The following CENPI variants were observed in gnomAD, a reference collection of about 807,000 sequenced individuals.
The protein encoded by CENPI is FSH primary response 1.
CENPI carries 4 observed loss-of-function variants against 60.4 expected under a neutral mutation model. The observed-to-expected ratio is 0.07, with a 90% CI of 0.03 to 0.15. The LOEUF (loss-of-function observed/expected upper bound fraction) is 0.15. CENPI is among the 10% of genes least tolerant of loss of function. CENPI has a pLI of 1.00. For missense variants in CENPI, 444 were observed against 534.5 expected (o/e 0.83, Z 1.67); for synonymous variants, 157 against 189.4 (o/e 0.83, Z 1.40).
At chrX:101,148,884 A>C in intron 20 of CENPI, among the ~76,000 whole-genome samples, 1 of 111,916 alleles carries the variant, frequency 8.9e-6, no homozygotes, top group Non-Finnish European at 1.9e-5. Context: ...TCATTGAATA[A>C]ATTTTAATAT....
intron 16 of CENPI, among the ~76,000 whole-genome samples, chrX:101,141,818 G>A (rs754131575): frequency 3.6e-5 from 4 of 110,194 alleles, no homozygotes; most frequent in South Asian, 3.9e-4. Context: ...CTGCAGCCTC[G>A]ACCTCCCAGG....
At chrX:101,105,038 G>A (rs955384039) in intron 4 of CENPI, among the ~76,000 whole-genome samples, 4 of 111,576 alleles carry the variant, frequency 3.6e-5, no homozygotes, top group African/African-American at 9.8e-5. Flanking sequence ...TGACTGTCAA[G>A]TATTTTATTT....
chrX:101,139,826 T>TG (rs918998248), intron 15 of CENPI, among the ~76,000 whole-genome samples: 2 of 93,897 alleles, frequency 2.1e-5, no homozygotes, highest in Non-Finnish European at 2.3e-5. Flanking sequence ...GTATGTTTTT[T>TG]TTTTTTTGTT....
chrX:101,110,458 G>A (rs1317480132), intron 6 of CENPI, among the ~76,000 whole-genome samples: 1 of 111,653 alleles, frequency 9.0e-6, no homozygotes, highest in Non-Finnish European at 1.9e-5. Flanking sequence ...GAGTGCCAAT[G>A]GAGTGATTTT....
At chrX:101,147,001 G>T in intron 18 of CENPI, among the ~76,000 whole-genome samples, 1 of 111,975 alleles carries the variant, frequency 8.9e-6, no homozygotes, top group Non-Finnish European at 1.9e-5. Context: ...CTCCCAAAGT[G>T]CTGGGATTAC....
intron 4 of CENPI, 105 bp downstream of exon 4, chrX:101,102,516 CAT>C (rs1556386355): frequency 2.9e-4 from 61 of 210,248 alleles, no homozygotes; most frequent in Non-Finnish European, 3.7e-4. Context: ...CACACACACA[CAT>C]ATATATATAT....
intron 12 of CENPI, among the ~76,000 whole-genome samples, chrX:101,129,224 G>A (rs1159523781): frequency 1.8e-5 from 2 of 111,521 alleles, no homozygotes; most frequent in East Asian, 5.6e-4. Context: ...TCTGGTAAGC[G>A]AAATGCTCAT....
intron 20 of CENPI, among the ~76,000 whole-genome samples, chrX:101,155,490 G>A (rs1032101239): frequency 2.8e-5 from 3 of 108,753 alleles, no homozygotes; most frequent in African/African-American, 6.7e-5. Flanking sequence ...ACACCTGGCC[G>A]AATGTTTTCT....
At chrX:101,113,282 TACACACACACACACACACAC>T (rs533672702) in intron 6 of CENPI, among the ~76,000 whole-genome samples, 2 of 84,003 alleles carry the variant, frequency 2.4e-5, no homozygotes, top group Admixed American at 2.9e-4. Flanking sequence ...TCCATCCCTT[TACACACACACACACACACAC>T]ACACACACAC....
At chrX:101,130,365 T>G (rs1008158321) in intron 13 of CENPI, among the ~76,000 whole-genome samples, 11 of 111,449 alleles carry the variant, frequency 9.9e-5, no homozygotes, top group Non-Finnish European at 2.1e-4. Context: ...GCTCAGGAGG[T>G]CAAGGCTGCA....
At chrX:101,102,903 G>A (rs1176387170) in intron 4 of CENPI, among the ~76,000 whole-genome samples, 1 of 98,255 alleles carries the variant, frequency 1.0e-5, no homozygotes, top group Non-Finnish European at 2.0e-5. Flanking sequence ...TGTTAGCCAA[G>A]ATGGTCTCCA....
At chrX:101,171,506 G>A in the CENPI span, among the ~76,000 whole-genome samples, 29 of 111,512 alleles carry the variant, frequency 2.6e-4, no homozygotes, top group African/African-American at 6.8e-4. Context: ...GCGCAAACAC[G>A]GCTCATTGCA....
intron 4 of CENPI, 108 bp downstream of exon 4, chrX:101,102,519 A>ATG: frequency 3.2e-6 from 1 of 315,875 alleles, no homozygotes. Context: ...ACACACACAT[A>ATG]TATATATATA....
intron 9 of CENPI, 127 bp from the exon 10 acceptor site, chrX:101,127,011 C>A: frequency 1.6e-6 from 1 of 623,593 alleles, no homozygotes; most frequent in Non-Finnish European, 2.4e-6. Flanking sequence ...AAAAAAAATA[C>A]TTTAAGTGCA....
downstream of CENPI, among the ~76,000 whole-genome samples, chrX:101,171,028 A>G (rs1401723898): frequency 8.9e-6 from 1 of 111,951 alleles, no homozygotes; most frequent in African/African-American, 3.2e-5. Context: ...AGAACAATAT[A>G]TTTTTCAATA....
chrX:101,134,441 A>G (rs1021095988), intron 15 of CENPI, among the ~76,000 whole-genome samples: 1 of 111,828 alleles, frequency 8.9e-6, no homozygotes, highest in African/African-American at 3.2e-5. Flanking sequence ...GCTGCTTAGG[A>G]CAGCCAGGGA....
chrX:101,155,160 A>G (rs1330010841), intron 20 of CENPI, among the ~76,000 whole-genome samples: 1 of 110,901 alleles, frequency 9.0e-6, no homozygotes, highest in Non-Finnish European at 1.9e-5. Flanking sequence ...GTCGTTTGTC[A>G]GGTTGGGGAA....
the CENPI span, among the ~76,000 whole-genome samples, chrX:101,179,076 A>G: frequency 4.5e-5 from 5 of 112,257 alleles, no homozygotes; most frequent in African/African-American, 1.6e-4. Flanking sequence ...GGCATTAAGT[A>G]TATTCATAAT....
In CENPI at chrX:101,101,098, G is replaced by A. The variant is rs189249919; in HGVS notation, c.28G>A (p.Val10Ile). ...GTCACCTCAAAAGAGAGTTAAGAACGTCCAGGCACAAAACAGGACTTCACA... is the reference window on the plus strand; with the variant it reads ...GTCACCTCAAAAGAGAGTTAAGAACATCCAGGCACAAAACAGGACTTCACA... Reference protein sequence around the residue: MSPQKRVKNVQAQNRTSQGS... With the variant: MSPQKRVKNIQAQNRTSQGS... The change falls in exon 3 of 22, where the codon GTC becomes ATC. Residue 10 changes from valine (V) to isoleucine (I), a missense_variant. Coordinates refer to ENST00000682095, the MANE Select transcript of CENPI (RefSeq NM_001386188.2). 231 of 1,208,831 alleles carry A rather than the reference G, an allele frequency of 1.9e-4. 1 individual carries two copies. The East Asian group carries it at 5.7e-3, about 30-fold the overall frequency.
Sources: allele counts gnomAD v4.1 joint callset (sites outside exome capture counted in the v4.1 genomes callset), GRCh38; gene constraint gnomAD v4.1.1; transcripts MANE v1.5; gene names NCBI Gene and HGNC (gene_info 2026-07-23, HGNC 2026-07-21).